Variants in LRP6 observed in about 807,000 individuals in gnomAD.
LRP6 encodes low-density lipoprotein receptor-related protein 6.
Under a neutral mutation model 184.1 loss-of-function variants are expected in LRP6, and 43 were observed. That is an observed-to-expected ratio of 0.23 (90% CI 0.18 to 0.30). The LOEUF (loss-of-function observed/expected upper bound fraction) is 0.30. LRP6 is among the 10% of genes least tolerant of loss of function. LRP6 has a pLI of 1.00. For missense variants in LRP6, 1,571 were observed against 2,005.3 expected (o/e 0.78, Z 4.14); for synonymous variants, 719 against 684.9 (o/e 1.05, Z -0.78).
At chr12:12,265,569 C>T (rs1865735299) in intron 1 of LRP6, among the ~76,000 whole-genome samples, 1 of 152,124 alleles carries the variant, frequency 6.6e-6, no homozygotes, top group African/African-American at 2.4e-5. Flanking sequence ...TAAAAATCTC[C>T]AGCGACCAGC....
In LRP6 at chr12:12,266,602, T is replaced by TCCCC; in HGVS notation, c.55+75_55+78dup. On this transcript the variant is annotated intron_variant, in intron 1 of 22. Transcript: ENST00000261349. Reference sequence around the variant, plus strand: ...CTCCCCTTCTCCCTTCCTCCGTCCCTCCCCTCCCCCTAGACACATACAACA... The same window carrying TCCCC: ...CTCCCCTTCTCCCTTCCTCCGTCCCTCCCCCCCCTCCCCCTAGACACATACAACA... 4.5e-6 allele frequency: 3 copies of TCCCC among 670,434 alleles called. No homozygotes were observed. In the Admixed American group the frequency reaches 7.9e-5, roughly 18 times the overall value. 41.5% of individuals were successfully genotyped at this position (670,434 alleles called of 1,614,324 possible). A position where few individuals can be genotyped will look rare whatever the true frequency, so the allele number is the denominator to read the frequency against.
chr12:12,158,804 T>C (rs190225837), intron 12 of LRP6, 25 bp downstream of exon 12: 88 of 1,608,900 alleles, frequency 5.5e-5, no homozygotes, highest in Admixed American at 4.5e-4. Context: ...CATTCTAGCT[T>C]GCTTTGGAGG....
At position 12,135,178 on chromosome 12, in the gene LRP6, C is replaced by T. The variant is rs1160650138; in HGVS notation, c.3730G>A (p.Gly1244Arg). ...LVLLQDELSC[G>R]EPPTCSPQQF... ...AAGAAAATTACAACATATTTACCTCCACATGATAGCTCATCTTGAAGTAGA... is the reference window on the plus strand; with the variant it reads ...AAGAAAATTACAACATATTTACCTCTACATGATAGCTCATCTTGAAGTAGA... Residue 1244 changes from glycine (G) to arginine (R), a missense_variant, in exon 17 of 23, where the codon GGA becomes AGA. Gly to Arg is a moderately radical substitution (Grantham distance 125, BLOSUM62 -2). Around this residue, in one of 4 missense-constraint regions of LRP6, gnomAD observed 763 missense variants for 859.5 expected, o/e 0.89. Coordinates refer to ENST00000261349, the MANE Select transcript of LRP6 (RefSeq NM_002336.3). 1 of 1,613,702 alleles carries T rather than the reference C, an allele frequency of 6.2e-7. No individual in the cohort carries two copies. The highest frequency in any genetic ancestry group is 1.3e-5 in the African/African-American group (1 of 74,894).
In LRP6 at chr12:12,119,988, AAAAT is replaced by A. The variant is rs1949575101; in HGVS notation, c.*1134_*1137del. On this transcript the variant is annotated 3_prime_UTR_variant, in exon 23 of 23. Coordinates refer to ENST00000261349, the MANE Select transcript of LRP6 (RefSeq NM_002336.3). Reference sequence around the variant, plus strand: ...TTACTCAGAAAACAAACAAACAAACAAAATATATATATATATATATATATATATA... The same window carrying A: ...TTACTCAGAAAACAAACAAACAAACAATATATATATATATATATATATATA... The A allele has an allele frequency of 1.0e-5, 1 of 97,046 alleles. No individual in the cohort carries two copies. Among genetic ancestry groups the A allele is most frequent in the Non-Finnish European group, 2.1e-5 (1 of 48,566 alleles). 6.0% of individuals were successfully genotyped at this position (97,046 alleles called of 1,614,324 possible). A position where few individuals can be genotyped will look rare whatever the true frequency, so the allele number is the denominator to read the frequency against.
chr12:12,159,931 A>T lies in LRP6; in HGVS notation c.2313T>A (p.Pro771=). Residue 771 remains proline (P), a synonymous_variant, in exon 11 of 23, where the codon CCT becomes CCA. Coordinates refer to ENST00000261349, the MANE Select transcript of LRP6 (RefSeq NM_002336.3). ...FMYWTEWGGK[P]KIDRAAMDGS... is the part of the protein sequence containing the mutation. ...CATCCATTGCAGCTCTGTCTATCTT[A>T]GGTTTTCCACCCCATTCAGTCCAAT... 1 of 1,613,778 alleles carries T rather than the reference A, an allele frequency of 6.2e-7. No individual in the cohort carries two copies. Among genetic ancestry groups the T allele is most frequent in the Non-Finnish European group, 8.5e-7 (1 of 1,179,826 alleles).
rs371157030 is a variant in LRP6, at chr12:12,229,058, A to G, written c.449+15204T>C. ...AGATCTGCTAGGATATGACACAAAC[A>G]TTTTCTATTATGAGGAAAATGAAGA... is the stretch of plus-strand genomic sequence containing the variant. On this transcript the variant is annotated intron_variant, in intron 2 of 22. Transcript: ENST00000261349. 4.6e-5 allele frequency among the ~76,000 whole-genome samples: 7 copies of G among 152,218 alleles called. No individual in the cohort carries two copies. In the East Asian group the frequency reaches 1.2e-3, roughly 25 times the overall value.
intron 15 of LRP6, among the ~76,000 whole-genome samples, chr12:12,145,539 TTCTCTCTTTCCCTC>T (rs1445096270): frequency 8.8e-4 from 77 of 87,258 alleles, no homozygotes; most frequent in African/African-American, 3.1e-3. Context: ...TCCCTCCCCC[TTCTCTCTTTCCCTC>T]TCTCTCTTTG....
chr12:12,150,743 C>T (rs1950070204), intron 13 of LRP6, 93 bp downstream of exon 13: 7 of 1,351,390 alleles, frequency 5.2e-6, no homozygotes, highest in South Asian at 1.2e-5. Context: ...TACACACACA[C>T]TTAAGCAGAG....
At chr12:12,131,355 G>A (rs144954798) in intron 18 of LRP6, among the ~76,000 whole-genome samples, 5,009 of 151,890 alleles carry the variant, frequency 0.033, 275 homozygotes, top group African/African-American at 0.11. Flanking sequence ...TGATCCGCCC[G>A]CCTCGGCCTC....
chr12:12,255,903 A>G (rs1865451090), intron 1 of LRP6, among the ~76,000 whole-genome samples: 1 of 152,088 alleles, frequency 6.6e-6, no homozygotes, highest in Non-Finnish European at 1.5e-5. Context: ...TATAAGTACT[A>G]TGACAAACTA....
At chr12:12,210,120 T>C (rs749916070) in intron 2 of LRP6, among the ~76,000 whole-genome samples, 5 of 152,194 alleles carry the variant, frequency 3.3e-5, no homozygotes, top group Non-Finnish European at 7.4e-5. Context: ...TGTATTATTT[T>C]ACTATACTAA....
intron 22 of LRP6, among the ~76,000 whole-genome samples, chr12:12,122,831 C>CAA (rs528135978): frequency 1.4e-3 from 207 of 150,558 alleles, no homozygotes; most frequent in African/African-American, 4.7e-3. Flanking sequence ...GACCCTGTCT[C>CAA]AAAAAAAATA....
At chr12:12,134,171 A>G (rs1949798275) in intron 17 of LRP6, among the ~76,000 whole-genome samples, 1 of 152,202 alleles carries the variant, frequency 6.6e-6, no homozygotes, top group Admixed American at 6.5e-5. Flanking sequence ...AACAATTTTT[A>G]TATGTTGAAT....
At chr12:12,164,888 G>A (rs1032009486) in intron 8 of LRP6, among the ~76,000 whole-genome samples, 191 bp downstream of exon 8, 1 of 110,384 alleles carries the variant, frequency 9.1e-6, no homozygotes, top group Non-Finnish European at 1.7e-5. Flanking sequence ...AGCTAGAGTA[G>A]TAAGTCAACG....
chr12:12,152,152 C>T (rs1301641226), intron 12 of LRP6, among the ~76,000 whole-genome samples: 1 of 152,096 alleles, frequency 6.6e-6, no homozygotes, highest in East Asian at 1.9e-4. Context: ...GAATAAGTCT[C>T]ATGAGATCTG....
chr12:12,226,443 C>A (rs1739213326), intron 2 of LRP6, among the ~76,000 whole-genome samples: 1 of 152,094 alleles, frequency 6.6e-6, no homozygotes, highest in Non-Finnish European at 1.5e-5. Context: ...CGGGAAAAAA[C>A]AGACAACATG....
chr12:12,140,286 A>G (rs1213706700), intron 15 of LRP6, among the ~76,000 whole-genome samples: 1 of 152,146 alleles, frequency 6.6e-6, no homozygotes, highest in Non-Finnish European at 1.5e-5. Flanking sequence ...AATTAAAAAC[A>G]TGATATCCAA....
intron 7 of LRP6, 149 bp downstream of exon 7, chr12:12,179,661 C>A: frequency 2.8e-6 from 2 of 723,092 alleles, no homozygotes; most frequent in East Asian, 2.7e-5. Flanking sequence ...TCCCTAGAAT[C>A]ATGAAGGTTG....
At chr12:12,149,863 G>A (rs536852173) in intron 13 of LRP6, among the ~76,000 whole-genome samples, 1 of 152,230 alleles carries the variant, frequency 6.6e-6, no homozygotes, top group Admixed American at 6.5e-5. Flanking sequence ...TATCTTACTG[G>A]TATCTCTGAA....
Sources: gnomAD v4.1 joint callset for allele counts (sites outside exome capture counted in the v4.1 genomes callset) on GRCh38, gnomAD v4.1.1 for gene constraint, gnomAD v4.1.1 regional missense constraint, MANE v1.5 for transcripts, NCBI Gene and HGNC (gene_info 2026-07-23, HGNC 2026-07-21) for gene names.